Variants in GLB1 observed in about 807,000 individuals in gnomAD.
GLB1 encodes beta-galactosidase.
GLB1 carries 56 observed loss-of-function variants against 74.0 expected under a neutral mutation model. That is an observed-to-expected ratio of 0.76 (90% CI 0.61 to 0.94). The LOEUF (loss-of-function observed/expected upper bound fraction) is 0.94, where lower values mean the gene tolerates loss of function less well. Ranked by LOEUF, GLB1 falls within the 40% of genes least tolerant of loss-of-function variation. The pLI, the probability that GLB1 is intolerant of heterozygous loss-of-function variation, is 0.00. For missense variants in GLB1, 787 were observed against 845.5 expected (o/e 0.93, Z 0.86); for synonymous variants, 323 against 323.6 (o/e 1.00, Z 0.02).
chr3:33,079,796 G>A (rs1700259950), intron 1 of GLB1, among the ~76,000 whole-genome samples: 1 of 152,046 alleles, frequency 6.6e-6, no homozygotes, highest in Admixed American at 6.5e-5. Flanking sequence ...TTTTGTTTTT[G>A]AGTCAGGGTC....
chr3:33,038,148 G>C (rs1361334952), intron 10 of GLB1: 1 of 152,032 alleles, frequency 6.6e-6, no homozygotes, highest in Non-Finnish European at 1.5e-5. Context: ...TGGAGTAAGA[G>C]GGATGCTTAA....
intron 15 of GLB1, among the ~76,000 whole-genome samples, chr3:33,000,027 C>T (rs1250940622): frequency 4.6e-5 from 7 of 151,866 alleles, no homozygotes; most frequent in Non-Finnish European, 7.4e-5. Context: ...GGCACCATCA[C>T]GACTCACTGT....
intron 3 of GLB1, 22 bp downstream of exon 3, chr3:33,068,798 A>T (rs1699789811): frequency 6.2e-7 from 1 of 1,613,316 alleles, no homozygotes; most frequent in African/African-American, 1.3e-5. Context: ...CACCAGGTAG[A>T]GCCCAGTCTA....
At chr3:32,990,677 A>G in the GLB1 span, among the ~76,000 whole-genome samples, 5 of 152,180 alleles carry the variant, frequency 3.3e-5, no homozygotes, top group Admixed American at 6.5e-5. Flanking sequence ...CACTCTGGTA[A>G]AAAGATCCTA....
chr3:33,074,409 A>AAAGAAAG (rs1559413033), intron 1 of GLB1, among the ~76,000 whole-genome samples: 18 of 115,230 alleles, frequency 1.6e-4, no homozygotes, highest in Admixed American at 2.0e-4. Flanking sequence ...AGAAAGAAAG[A>AAAGAAAG]ATATTACACA....
At chr3:32,972,858 G>A in the GLB1 span, among the ~76,000 whole-genome samples, 12 of 152,254 alleles carry the variant, frequency 7.9e-5, no homozygotes, top group South Asian at 2.1e-4. Context: ...CTTAAAACCC[G>A]CCTGTTTTTC....
intron 6 of GLB1, among the ~76,000 whole-genome samples, chr3:33,055,858 C>T (rs1163537172): frequency 5.3e-5 from 8 of 151,916 alleles, no homozygotes; most frequent in South Asian, 2.1e-4. Context: ...CAAATGCTCT[C>T]GAAACACTCC....
At position 33,093,106 on chromosome 3, in the gene GLB1, T is replaced by C. The variant is rs115958137; in HGVS notation, c.75+3905A>G. The C allele has an allele frequency of 9.3e-3, 14,983 of 1,614,156 alleles. 554 individuals carry two copies. In the Admixed American group the frequency reaches 0.12, roughly 13 times the overall value. On this transcript the variant is annotated intron_variant, in intron 1 of 15. Transcript: ENST00000307363. This position sits in a 1 kb window ranked among gnomAD's most constrained non-coding sequence, Gnocchi z 6.0. ...AGGGGCTGGTGAGCTAGCAAGATGA[T>C]TGTGTGGTCTGGGCTGCAGCCCTCC...
chr3:32,988,469 G>T, the GLB1 span, among the ~76,000 whole-genome samples: 1 of 152,182 alleles, frequency 6.6e-6, no homozygotes, highest in African/African-American at 2.4e-5. Flanking sequence ...GGGCACTGAC[G>T]TTTTATATCA....
intron 7 of GLB1, 75 bp from the exon 8 acceptor site, chr3:33,052,079 C>T (rs1368882485): frequency 1.0e-5 from 16 of 1,600,740 alleles, no homozygotes; most frequent in Non-Finnish European, 1.4e-5. Flanking sequence ...TGCAATGCCC[C>T]ATCTATGACA....
chr3:33,055,513 T>C (rs926931885), intron 6 of GLB1, among the ~76,000 whole-genome samples: 3 of 147,520 alleles, frequency 2.0e-5, no homozygotes, highest in African/African-American at 7.5e-5. Context: ...CAGGCTGGAG[T>C]GTAGTGGCGC....
chr3:33,033,809 AT>A (rs1698157953), intron 10 of GLB1: 6 of 317,360 alleles, frequency 1.9e-5, no homozygotes, highest in Non-Finnish European at 3.6e-5. Context: ...GTGGTAAGGA[AT>A]GGGGAGGCAC....
At chr3:33,095,902 C>T (rs1701005076) in intron 1 of GLB1, among the ~76,000 whole-genome samples, 1 of 152,208 alleles carries the variant, frequency 6.6e-6, no homozygotes, top group Non-Finnish European at 1.5e-5. Context: ...GTAGGGGAAC[C>T]ACAGACGGGG....
chr3:33,056,423 T>C (rs1270566557), intron 6 of GLB1, among the ~76,000 whole-genome samples: 1 of 151,594 alleles, frequency 6.6e-6, no homozygotes, highest in African/African-American at 2.4e-5. Context: ...TGTATCTTTT[T>C]TTTTTTTTGA....
At chr3:33,021,856 T>C (rs964394429) in intron 11 of GLB1, among the ~76,000 whole-genome samples, 1 of 152,214 alleles carries the variant, frequency 6.6e-6, no homozygotes, top group Non-Finnish European at 1.5e-5. Context: ...ATGAAAACTA[T>C]GAATGATAGT....
Position 33,074,344 on chromosome 3 carries a change from G to GGAAA in GLB1, c.76-1632_76-1631insTTTC, listed in dbSNP as rs1559412740. Among the ~76,000 whole-genome samples, 12 of 62,028 alleles carry GGAAA rather than the reference G, an allele frequency of 1.9e-4. No individual in the cohort carries two copies. In the East Asian group the frequency reaches 6.0e-3, roughly 31 times the overall value. 40.7% of individuals were successfully genotyped at this position (62,028 alleles called of 152,430 possible). A position where few individuals can be genotyped will look rare whatever the true frequency, so the allele number is the denominator to read the frequency against. ...GAGAAAGAAGGAAGGAAGGAAGGAA[G>GGAAA]GAAGGAAGGAAGGAAGGAAGGAAGG... On this transcript the variant is annotated intron_variant, in intron 1 of 15. Transcript: ENST00000307363.
At position 33,014,199 on chromosome 3, in the gene GLB1, C is replaced by T. The variant is rs1697146110; in HGVS notation, c.1591G>A (p.Asp531Asn). ...CSHLGGWGHRDSGHHDEAWAH... is the reference protein window; with the variant it reads ...CSHLGGWGHRNSGHHDEAWAH... ...CAGGCTTCATCATGGTGGCCACTGT[C>T]ACGGTGTCCCCAGCCCCCCAGGTGG... The change falls in exon 15 of 16, where the codon GAC becomes AAC. Residue 531 changes from aspartate (D) to asparagine (N), a missense_variant. Asp to Asn is a conservative substitution (Grantham distance 23). Coordinates refer to ENST00000307363, the MANE Select transcript of GLB1 (RefSeq NM_000404.4). 3 of 1,614,078 alleles carry T rather than the reference C, an allele frequency of 1.9e-6. No homozygotes were observed. The highest frequency in any genetic ancestry group is 1.6e-4 in the Middle Eastern group (1 of 6,084).
chr3:33,043,062 A>G (rs1698569339), intron 10 of GLB1, among the ~76,000 whole-genome samples: 1 of 152,258 alleles, frequency 6.6e-6, no homozygotes, highest in South Asian at 2.1e-4. Context: ...GAATTAAAAT[A>G]CATGACAATA....
chr3:33,013,916 C>T (rs369577749), intron 15 of GLB1, 140 bp downstream of exon 15: 12 of 1,477,444 alleles, frequency 8.1e-6, no homozygotes, highest in South Asian at 3.9e-5. Context: ...TGCCACAATC[C>T]GCCTCCTGAA....
Sources: allele counts gnomAD v4.1 joint callset (sites outside exome capture counted in the v4.1 genomes callset), GRCh38; gene constraint gnomAD v4.1.1; non-coding constraint Gnocchi (gnomAD v3.1); transcripts MANE v1.5; gene names NCBI Gene and HGNC (gene_info 2026-07-23, HGNC 2026-07-21).